The following PDLIM5 variants were observed in gnomAD, a reference collection of about 807,000 sequenced individuals.
The protein encoded by PDLIM5 is PDZ and LIM domain protein 5.
In PDLIM5, 34 loss-of-function variants were observed where a neutral mutation model predicts 64.2. The observed-to-expected ratio is 0.53, with a 90% CI of 0.40 to 0.71. The LOEUF (loss-of-function observed/expected upper bound fraction) is 0.71, where lower values mean the gene tolerates loss of function less well. Ranked by LOEUF, PDLIM5 falls within the 30% of genes least tolerant of loss-of-function variation. The probability of loss-of-function intolerance (pLI) is 0.00; values close to 1 mark genes in which losing one functional copy is unlikely to be tolerated. For missense variants in PDLIM5, 683 were observed against 733.6 expected (o/e 0.93, Z 0.80); for synonymous variants, 253 against 269.1 (o/e 0.94, Z 0.59).
chr4:94,481,616 AT>A (rs111582159), intron 2 of PDLIM5, among the ~76,000 whole-genome samples: 10 of 133,714 alleles, frequency 7.5e-5, no homozygotes, highest in African/African-American at 2.2e-4. Context: ...ATTTTATTTC[AT>A]TTTTTTTTTG....
In PDLIM5 at chr4:94,454,400, A is replaced by G. The variant is rs576772516; in HGVS notation, c.-42-847A>G. The stretch of plus-strand genomic sequence containing the variant: ...GAGAGTCATCACACGCACACTTAAC[A>G]GCAGAACAGACAAAAGAAAGCACCG... On this transcript the variant is annotated intron_variant, in intron 1 of 12. Transcript: ENST00000317968. Among the ~76,000 whole-genome samples, 13 of 151,812 alleles carry G rather than the reference A, an allele frequency of 8.6e-5. No homozygotes were observed. In the East Asian group the frequency reaches 2.5e-3, roughly 29 times the overall value.
At chr4:94,584,968 T>C (rs1286981507) in intron 5 of PDLIM5, 1 of 1,517,584 alleles carries the variant, frequency 6.6e-7, no homozygotes, top group Non-Finnish European at 9.1e-7. Context: ...TCTGCTGCCT[T>C]CCTCTGTCAA....
chr4:94,639,821 G>T (rs983718669), intron 8 of PDLIM5, among the ~76,000 whole-genome samples: 4 of 152,078 alleles, frequency 2.6e-5, no homozygotes, highest in Admixed American at 1.3e-4. Flanking sequence ...CTGAGGTCAG[G>T]AGTTCAAGAC....
At chr4:94,625,336 A>T (rs1739578385) in intron 8 of PDLIM5, among the ~76,000 whole-genome samples, 1 of 152,216 alleles carries the variant, frequency 6.6e-6, no homozygotes. Flanking sequence ...GGATATTATT[A>T]AACGTGTCCA....
rs759569108 is a variant in PDLIM5 at position 94,640,378 on chromosome 4, T to A, written c.1211T>A (p.Leu404Ter). 2 of 1,612,998 alleles carry A rather than the reference T, an allele frequency of 1.2e-6. No individual in the cohort carries two copies. Among genetic ancestry groups the A allele is most frequent in the African/African-American group, 2.7e-5 (2 of 74,866 alleles). ...GQTQPSDQDT[L>*]VQRAEHIPAG... ...ACCCAGCCAAGTGACCAGGACACTT[T>A]AGTGCAAAGAGCTGAGCACATTCCA... Residue 404 changes from leucine to a stop codon, truncating the protein, a stop_gained, in exon 9 of 13, where the codon TTA becomes TAA. Transcript: ENST00000317968. LOFTEE classifies it high-confidence loss of function.
intron 8 of PDLIM5, among the ~76,000 whole-genome samples, chr4:94,637,987 G>A (rs1740702100): frequency 6.6e-6 from 1 of 152,102 alleles, no homozygotes. Flanking sequence ...TAGGGTCTGG[G>A]GACTAACCCT....
chr4:94,474,784 G>C (rs1725179558), intron 2 of PDLIM5, among the ~76,000 whole-genome samples: 1 of 152,014 alleles, frequency 6.6e-6, no homozygotes. Flanking sequence ...CAGGTGGCTG[G>C]GATTACAGGC....
intron 2 of PDLIM5, among the ~76,000 whole-genome samples, chr4:94,486,052 A>T (rs997280809): frequency 1.3e-5 from 2 of 152,112 alleles, no homozygotes; most frequent in African/African-American, 4.8e-5. Context: ...GAGATTCCTT[A>T]GATGAATCCT....
intron 2 of PDLIM5, among the ~76,000 whole-genome samples, chr4:94,472,164 GCA>G (rs375059897): frequency 4.0e-5 from 6 of 150,774 alleles, no homozygotes; most frequent in South Asian, 2.1e-4. Context: ...ACACACACGC[GCA>G]CACACACACA....
chr4:94,573,449 G>C, intron 4 of PDLIM5, 56 bp downstream of exon 4: 2 of 1,278,238 alleles, frequency 1.6e-6, no homozygotes, highest in Non-Finnish European at 2.3e-6. Context: ...CTGAGCTACT[G>C]TAATTCCCAT....
chr4:94,596,121 G>C (rs1485865308), intron 7 of PDLIM5, among the ~76,000 whole-genome samples: 1 of 152,158 alleles, frequency 6.6e-6, no homozygotes, highest in Non-Finnish European at 1.5e-5. Context: ...CTACACTTCA[G>C]TTCCTTGTGA....
At chr4:94,570,969 C>T (rs1039643767) in intron 3 of PDLIM5, among the ~76,000 whole-genome samples, 2 of 152,032 alleles carry the variant, frequency 1.3e-5, no homozygotes, top group African/African-American at 4.8e-5. Context: ...TGTCTAGTTC[C>T]TCATTCTTAA....
intron 3 of PDLIM5, among the ~76,000 whole-genome samples, chr4:94,542,621 C>G (rs974140277): frequency 5.3e-5 from 8 of 152,094 alleles, no homozygotes; most frequent in Non-Finnish European, 1.2e-4. Context: ...TGTTGTGCTT[C>G]AATAGTGTAT....
rs1742065035 is a variant in PDLIM5, at chr4:94,654,473, G to A, written c.1297G>A (p.Val433Met). The change falls in exon 10 of 13, where the codon GTG becomes ATG. Residue 433 changes from valine to methionine, a missense_variant. Val to Met is a conservative substitution (Grantham distance 21). Coordinates refer to ENST00000317968, the MANE Select transcript of PDLIM5 (RefSeq NM_006457.5). ...CNQVIRGPFL[V>M]ALGKSWHPEE... ...TTCTTCTGTCAGAGGACCATTCTTA[G>A]TGGCACTGGGGAAATCTTGGCACCC... The A allele has an allele frequency of 8.7e-6, 14 of 1,609,436 alleles. No homozygotes were observed. Among genetic ancestry groups the A allele is most frequent in the Non-Finnish European group, 1.2e-5 (14 of 1,175,932 alleles).
In PDLIM5 at chr4:94,582,762, A is replaced by G. The variant is rs371444712; in HGVS notation, c.711-2803A>G. ...TACTTAACCAATGATTCACTTTGTA[A>G]TTGTCTCTGTAACTTTCCTTCTTGC... is the stretch of plus-strand genomic sequence containing the variant. On this transcript the variant is annotated intron_variant, in intron 5 of 12. Coordinates refer to ENST00000317968, the MANE Select transcript of PDLIM5 (RefSeq NM_006457.5). 69 of 1,407,172 alleles carry G rather than the reference A, an allele frequency of 4.9e-5. No individual in the cohort carries two copies. In the African/African-American group the frequency reaches 6.7e-4, roughly 14 times the overall value. 87.2% of individuals were successfully genotyped at this position (1,407,172 alleles called of 1,614,324 possible).
At chr4:94,512,536 T>A (rs1227661987) in intron 2 of PDLIM5, among the ~76,000 whole-genome samples, 2 of 152,240 alleles carry the variant, frequency 1.3e-5, no homozygotes, top group Non-Finnish European at 2.9e-5. Context: ...GTTGAGCACC[T>A]TTTCATATGC....
At chr4:94,586,858 A>G in intron 7 of PDLIM5, 1 of 854,314 alleles carries the variant, frequency 1.2e-6, no homozygotes. Flanking sequence ...ACTTAATAAA[A>G]CAGCTATGTG....
intron 3 of PDLIM5, among the ~76,000 whole-genome samples, chr4:94,529,772 T>C (rs935210420): frequency 6.6e-6 from 1 of 152,166 alleles, no homozygotes; most frequent in Non-Finnish European, 1.5e-5. Context: ...ACATATTTTT[T>C]TCCTGGCCGT....
rs142340910 is a variant in PDLIM5 at position 94,507,480 on chromosome 4, G to A, written c.97-16244G>A. Among the ~76,000 whole-genome samples the A allele has an allele frequency of 8.5e-5, 13 of 152,284 alleles. No homozygotes were observed. The East Asian group carries it at 2.5e-3, about 29-fold the overall frequency. ...CCTTGAGGCAAATTGCTCTCCAGCT[G>A]TGAACCTGTGAGATCAAACAGGTTA... On this transcript the variant is annotated intron_variant, in intron 2 of 12. Transcript: ENST00000317968.
Sources: allele counts gnomAD v4.1 joint callset (sites outside exome capture counted in the v4.1 genomes callset), GRCh38; gene constraint gnomAD v4.1.1; transcripts MANE v1.5; gene names NCBI Gene and HGNC (gene_info 2026-07-23, HGNC 2026-07-21).